The following ABTB2 variants were observed in gnomAD, a reference collection of about 807,000 sequenced individuals.
ABTB2 encodes the protein ankyrin repeat and BTB domain containing 2, also known as ankyrin repeat and BTB/POZ domain-containing protein 2.
ABTB2 carries 56 observed loss-of-function variants against 104.1 expected under a neutral mutation model. That is an observed-to-expected ratio of 0.54 (90% confidence interval 0.43 to 0.67). The LOEUF (loss-of-function observed/expected upper bound fraction) is 0.67, where lower values mean the gene tolerates loss of function less well. Ranked by LOEUF, ABTB2 falls within the 30% of genes least tolerant of loss-of-function variation. The pLI, the probability that ABTB2 is intolerant of heterozygous loss-of-function variation, is 0.00. For synonymous variants in ABTB2, 606 were observed against 608.2 expected (o/e 1.00, Z 0.05); for missense variants, 1,279 against 1,407.7 (o/e 0.91, Z 1.46).
chr11:34,235,816 G>A (rs888618444), intron 1 of ABTB2, among the ~76,000 whole-genome samples: 5 of 152,170 alleles, frequency 3.3e-5, no homozygotes, highest in Non-Finnish European at 7.3e-5. Context: ...GGAGGTCAGC[G>A]CTAGCTAAGT....
chr11:34,289,095 G>C (rs892863238), intron 1 of ABTB2, among the ~76,000 whole-genome samples: 9 of 152,224 alleles, frequency 5.9e-5, no homozygotes, highest in African/African-American at 2.2e-4. Context: ...GAACAGTTAA[G>C]TTCTGACAGG....
intron 1 of ABTB2, among the ~76,000 whole-genome samples, chr11:34,301,028 G>A (rs1447544613): frequency 1.3e-5 from 2 of 152,160 alleles, no homozygotes; most frequent in East Asian, 3.8e-4. Flanking sequence ...AGGAGGCTGG[G>A]GGAAGCAGAG....
At chr11:34,159,850 G>A in intron 13 of ABTB2, 56 bp downstream of exon 13, 1 of 1,419,190 alleles carries the variant, frequency 7.0e-7, no homozygotes, top group Non-Finnish European at 9.9e-7. Context: ...CCTGGAATCT[G>A]AAACAAGGTG....
intron 1 of ABTB2, among the ~76,000 whole-genome samples, chr11:34,324,097 G>A (rs1855039401): frequency 6.6e-6 from 1 of 151,836 alleles, no homozygotes; most frequent in Admixed American, 6.6e-5. Flanking sequence ...TTTTAGTAGA[G>A]ACGGGGTTTC....
chr11:34,244,444 C>T (rs1273805555), intron 1 of ABTB2, among the ~76,000 whole-genome samples: 2 of 152,102 alleles, frequency 1.3e-5, no homozygotes, highest in Non-Finnish European at 2.9e-5. Context: ...ACATCAGGGC[C>T]CCTAGCACAA....
chr11:34,226,691 A>G (rs1414824102), intron 1 of ABTB2, among the ~76,000 whole-genome samples: 1 of 152,206 alleles, frequency 6.6e-6, no homozygotes, highest in Non-Finnish European at 1.5e-5. Flanking sequence ...AAAACATTTC[A>G]TTCGCTGTTT....
chr11:34,201,939 G>A (rs941290577), intron 2 of ABTB2, among the ~76,000 whole-genome samples: 1 of 152,198 alleles, frequency 6.6e-6, no homozygotes, highest in African/African-American at 2.4e-5. Flanking sequence ...ACATGAACAT[G>A]CATACTCACA....
chr11:34,234,709 T>C (rs1000960076), intron 1 of ABTB2, among the ~76,000 whole-genome samples: 2 of 152,202 alleles, frequency 1.3e-5, no homozygotes, highest in Non-Finnish European at 2.9e-5. Context: ...GTCAGGTAAC[T>C]AATTGCCTAT....
chr11:34,325,223 G>T (rs371334831), intron 1 of ABTB2, among the ~76,000 whole-genome samples: 4 of 152,242 alleles, frequency 2.6e-5, no homozygotes, highest in African/African-American at 9.6e-5. Context: ...AAAATAACTA[G>T]TTTGGGAAAA....
intron 1 of ABTB2, among the ~76,000 whole-genome samples, chr11:34,314,098 C>T (rs934771369): frequency 6.6e-6 from 1 of 152,158 alleles, no homozygotes; most frequent in African/African-American, 2.4e-5. Flanking sequence ...TAATGCTGGT[C>T]ACAGAGTGAT....
rs566777178 is a variant in ABTB2, at chr11:34,227,518, C to T, written c.884-22828G>A. Reference sequence around the variant, plus strand: ...TGTTGTAGCATGTATCAGTACTATACTTTTTGTGGGCGAATGATATTCCAT... The same window carrying T: ...TGTTGTAGCATGTATCAGTACTATATTTTTTGTGGGCGAATGATATTCCAT... On this transcript the variant is annotated intron_variant, in intron 1 of 16. Coordinates refer to ENST00000435224, the MANE Select transcript of ABTB2 (RefSeq NM_145804.3). Among the ~76,000 whole-genome samples the T allele has an allele frequency of 3.2e-4, 49 of 152,248 alleles. No homozygotes were observed. The South Asian group carries it at 9.9e-3, about 31-fold the overall frequency.
At chr11:34,190,546 A>T (rs932110058) in intron 3 of ABTB2, among the ~76,000 whole-genome samples, 5 of 152,212 alleles carry the variant, frequency 3.3e-5, no homozygotes, top group Admixed American at 2.6e-4. Flanking sequence ...ATGGATCCGC[A>T]GGAGTCCAGG....
intron 2 of ABTB2, among the ~76,000 whole-genome samples, chr11:34,202,697 A>T (rs1255771027): frequency 6.6e-6 from 1 of 152,106 alleles, no homozygotes. Flanking sequence ...AAAATTAGCT[A>T]GGTGTGGTAG....
chr11:34,342,211 G>A (rs890607337), intron 1 of ABTB2, among the ~76,000 whole-genome samples: 2 of 152,204 alleles, frequency 1.3e-5, no homozygotes, highest in Admixed American at 1.3e-4. Context: ...GAGAAACAAT[G>A]TGCTTCATAC....
chr11:34,221,192 C>T (rs535099143), intron 1 of ABTB2, among the ~76,000 whole-genome samples: 3 of 152,218 alleles, frequency 2.0e-5, no homozygotes, highest in African/African-American at 4.8e-5. Context: ...AGGCTGGTCT[C>T]GAACTCTTGG....
intron 1 of ABTB2, among the ~76,000 whole-genome samples, chr11:34,282,902 A>T (rs908642176): frequency 6.7e-6 from 1 of 150,170 alleles, no homozygotes; most frequent in Non-Finnish European, 1.5e-5. Flanking sequence ...ATAAAATTTT[A>T]AAAAGTCTTT....
chr11:34,357,032 C>G lies in ABTB2; in HGVS notation c.552G>C (p.Leu184=), dbSNP rs775910458. ...GCCCGTCGCCGGCGCTCATGCTGTACAGGGACAGCGCCTTGACGGCTGCCA... is the reference window on the plus strand; with the variant it reads ...GCCCGTCGCCGGCGCTCATGCTGTAGAGGGACAGCGCCTTGACGGCTGCCA... The part of the protein sequence containing the change: ...CALAAVKALS[L]YSMSAGDGLR... Residue 184 remains leucine (L), a synonymous_variant, in exon 1 of 17, where the codon CTG becomes CTC. Coordinates refer to ENST00000435224, the MANE Select transcript of ABTB2 (RefSeq NM_145804.3). 3.2e-4 allele frequency: 501 copies of G among 1,545,698 alleles called. 2 individuals are homozygous for G. Among genetic ancestry groups the G allele is most frequent in the Non-Finnish European group, 4.0e-4 (460 of 1,147,456 alleles).
At chr11:34,320,682 C>T (rs1045580027) in intron 1 of ABTB2, among the ~76,000 whole-genome samples, 3 of 152,192 alleles carry the variant, frequency 2.0e-5, no homozygotes, top group African/African-American at 7.2e-5. Context: ...TGTCGTGTGT[C>T]CACATTAGAC....
At chr11:34,175,083 C>T (rs944863874) in intron 3 of ABTB2, among the ~76,000 whole-genome samples, 1 of 152,252 alleles carries the variant, frequency 6.6e-6, no homozygotes, top group African/African-American at 2.4e-5. Context: ...TGTCCATTCT[C>T]TCTCCTTGGC....
Sources: allele counts gnomAD v4.1 joint callset (sites outside exome capture counted in the v4.1 genomes callset), GRCh38; gene constraint gnomAD v4.1.1; transcripts MANE v1.5; gene names NCBI Gene and HGNC (gene_info 2026-07-23, HGNC 2026-07-21).